Variants in BRD2 observed in about 807,000 individuals in gnomAD.
The protein encoded by BRD2 is bromodomain containing 2.
BRD2 carries 15 observed loss-of-function variants against 79.1 expected under a neutral mutation model. The ratio of observed to expected loss-of-function variants is 0.19; its 90% CI spans 0.13 to 0.29. BRD2 has a LOEUF of 0.29. Ranked by LOEUF, BRD2 falls within the 10% of genes least tolerant of loss-of-function variation. The probability of loss-of-function intolerance (pLI) is 1.00; values close to 1 mark genes in which losing one functional copy is unlikely to be tolerated. For synonymous variants in BRD2, 488 were observed against 358.6 expected (o/e 1.36, Z -4.08); for missense variants, 1,053 against 991.3 (o/e 1.06, Z -0.84).
rs764791469 is a variant in BRD2 at position 32,976,081 on chromosome 6, A to G, written c.522A>G (p.Leu174=). 10 of 1,612,908 alleles carry G rather than the reference A, an allele frequency of 6.2e-6. No homozygotes were observed. In the South Asian group the frequency reaches 7.7e-5, roughly 12 times the overall value. Residue 174 remains leucine (L), a synonymous_variant, in exon 5 of 13, where the codon CTA becomes CTG. Coordinates refer to ENST00000374825, the MANE Select transcript of BRD2 (RefSeq NM_005104.4). ...CACAAACGCTGGAAAAGATATTCCT[A>G]CAGAAGGTTGCATCAATGCCACAAG... is the stretch of plus-strand genomic sequence containing the variant. The part of the protein sequence containing the change: ...LMAQTLEKIF[L]QKVASMPQEE...
rs1778825245 is a variant in BRD2 at position 32,976,803 on chromosome 6, T to C, written c.1067T>C (p.Ile356Thr). The C allele has an allele frequency of 6.2e-7, 1 of 1,613,164 alleles. No individual in the cohort carries two copies. The highest frequency in any genetic ancestry group is 8.5e-7 in the Non-Finnish European group (1 of 1,180,028). ...LSEQLKHCNG[I>T]LKELLSKKHA... is the part of the protein sequence containing the mutation. ...GAACAGTTAAAACATTGCAATGGCATTTTGAAGGAGTTACTCTCTAAGAAG... is the reference window on the plus strand; with the variant it reads ...GAACAGTTAAAACATTGCAATGGCACTTTGAAGGAGTTACTCTCTAAGAAG... Residue 356 changes from isoleucine (I) to threonine (T), a missense_variant, in exon 7 of 13, where the codon ATT (isoleucine) becomes ACT (threonine). By Grantham distance (89) the Ile-to-Thr change is moderately conservative. This residue lies in a region of BRD2 where 454 missense variants were observed against 430.5 expected (regional missense o/e 1.05). Transcript: ENST00000374825.
chr6:32,979,202 C>T (rs145364886), intron 10 of BRD2: 5,775 of 159,208 alleles, frequency 0.036, 141 homozygotes, highest in East Asian at 0.069. Flanking sequence ...CAGGCATGCG[C>T]CACCACGCCC....
At chr6:32,969,235 G>C (rs1416423230) in intron 1 of BRD2, 179 bp downstream of exon 1, 1 of 620,176 alleles carries the variant, frequency 1.6e-6, no homozygotes, top group Non-Finnish European at 3.1e-6. Context: ...GGGCCATGGG[G>C]GGGGAGGGGA....
rs1005074454 is a variant in BRD2 at position 32,980,113 on chromosome 6, G to A, written c.2127G>A (p.Lys709=). Residue 709 remains lysine, a synonymous_variant, in exon 11 of 13, where the codon AAG becomes AAA. Coordinates refer to ENST00000374825, the MANE Select transcript of BRD2 (RefSeq NM_005104.4). ...LERYVLSCLR[K]KPRKPYTIKK... Reference sequence around the variant, plus strand: ...GCTATGTCCTTTCCTGCCTACGTAAGAAACCCCGGAAGCCCTACAGTACGT... The same window carrying A: ...GCTATGTCCTTTCCTGCCTACGTAAAAAACCCCGGAAGCCCTACAGTACGT... 2.5e-6 allele frequency: 4 copies of A among 1,611,936 alleles called. No individual in the cohort carries two copies. In the African/African-American group the frequency reaches 5.3e-5, roughly 22 times the overall value.
chr6:32,977,283 C>T (rs908346018), intron 7 of BRD2, 159 bp from the exon 8 acceptor site: 2 of 1,582,588 alleles, frequency 1.3e-6, no homozygotes, highest in Admixed American at 3.6e-5. Flanking sequence ...TTCAACCCAC[C>T]CAAATTCCTT....
intron 1 of BRD2, chr6:32,971,187 T>C (rs1777926965): frequency 6.2e-6 from 1 of 162,440 alleles, no homozygotes; most frequent in South Asian, 2.0e-4. Flanking sequence ...GGAATGGAGT[T>C]TGAGGAAGAG....
chr6:32,977,916 G>A lies in BRD2; in HGVS notation c.1489G>A (p.Glu497Lys), dbSNP rs1476311214. 8 of 1,612,556 alleles carry A rather than the reference G, an allele frequency of 5.0e-6. No individual in the cohort carries two copies. In the African/African-American group the frequency reaches 9.3e-5, roughly 19 times the overall value. ...SESSSEEEEE[E>K]DEEDEEEEES... is the part of the protein sequence containing the mutation. Reference sequence around the variant, plus strand: ...GAGCTCCTCTGAGGAAGAGGAGGAGGAAGATGAGGAGGACGAGGAGGAAGA... The same window carrying A: ...GAGCTCCTCTGAGGAAGAGGAGGAGAAAGATGAGGAGGACGAGGAGGAAGA... The change falls in exon 9 of 13, where the codon GAA becomes AAA. Residue 497 changes from glutamate (E) to lysine (K), a missense_variant. Around this residue, in one of 5 missense-constraint regions of BRD2, gnomAD observed 454 missense variants for 430.5 expected, o/e 1.05. Coordinates refer to ENST00000374825, the MANE Select transcript of BRD2 (RefSeq NM_005104.4).
intron 4 of BRD2, 140 bp downstream of exon 4, chr6:32,975,661 C>T (rs1778644037): frequency 9.4e-7 from 1 of 1,062,142 alleles, no homozygotes; most frequent in African/African-American, 1.6e-5. Context: ...TCTTAAAAAC[C>T]TGACTCTAGA....
chr6:32,973,240 G>T (rs1354883067), intron 2 of BRD2: 1 of 1,299,364 alleles, frequency 7.7e-7, no homozygotes, highest in Non-Finnish European at 1.1e-6. Context: ...TTGGCGTTTG[G>T]TGGGTCTGGT....
In BRD2 at chr6:32,978,345, T is replaced by G; in HGVS notation, c.1798T>G (p.Leu600Val). ...TGGCAGTGGGGGTGGCAGTGCTGCTTTAGGCCCTTCTGGCTTTGGACCTTC... is the reference window on the plus strand; with the variant it reads ...TGGCAGTGGGGGTGGCAGTGCTGCTGTAGGCCCTTCTGGCTTTGGACCTTC... The part of the protein sequence containing the change: ...ASGSGGGSAA[L>V]GPSGFGPSGG... Residue 600 changes from leucine to valine, a missense_variant, in exon 10 of 13, where the codon TTA becomes GTA. Leu to Val is a conservative substitution (Grantham distance 32). Transcript: ENST00000374825. The G allele has an allele frequency of 6.2e-7, 1 of 1,613,002 alleles. No individual in the cohort carries two copies. Among genetic ancestry groups the G allele is most frequent in the Non-Finnish European group, 8.5e-7 (1 of 1,180,014 alleles).
At position 32,977,770 on chromosome 6, in the gene BRD2, T is replaced by C; in HGVS notation, c.1343T>C (p.Phe448Ser). 1 of 1,613,042 alleles carries C rather than the reference T, an allele frequency of 6.2e-7. No homozygotes were observed. The highest frequency in any genetic ancestry group is 1.1e-5 in the South Asian group (1 of 91,082). The change falls in exon 9 of 13, where the codon TTC becomes TCC. Residue 448 changes from phenylalanine to serine, a missense_variant. Coordinates refer to ENST00000374825, the MANE Select transcript of BRD2 (RefSeq NM_005104.4). ...GCCTCTTTGTAGGATGTATTTGAGT[T>C]CCGTTATGCCAAGATGCCAGATGAA... Reference protein sequence around the residue: ...MARKLQDVFEFRYAKMPDEPL... With the variant: ...MARKLQDVFESRYAKMPDEPL...
intron 8 of BRD2, 82 bp from the exon 9 acceptor site, chr6:32,977,675 T>C (rs1399649705): frequency 1.2e-6 from 2 of 1,603,152 alleles, no homozygotes; most frequent in East Asian, 2.2e-5. Flanking sequence ...TGTACAGTTG[T>C]AAATTGGAGC....
intron 3 of BRD2, 100 bp from the exon 4 acceptor site, chr6:32,975,284 G>GT (rs58306767): frequency 0.17 from 142,520 of 817,416 alleles, 5,304 homozygotes; most frequent in Non-Finnish European, 0.18. Flanking sequence ...TGCATAGGGG[G>GT]GGTGTGTGTG....
intron 10 of BRD2, 167 bp from the exon 11 acceptor site, chr6:32,979,661 C>T (rs1779272427): frequency 5.4e-6 from 4 of 738,874 alleles, no homozygotes; most frequent in Non-Finnish European, 8.6e-6. Flanking sequence ...GCAAAATGCT[C>T]TGTTTCACTA....
chr6:32,979,440 T>C (rs116563214), intron 10 of BRD2: 7,927 of 228,776 alleles, frequency 0.035, 266 homozygotes, highest in African/African-American at 0.092. Flanking sequence ...CCTAAACAGG[T>C]ATACCTTGTT....
In BRD2 at chr6:32,976,414, C is replaced by A. The variant is rs1360246088; in HGVS notation, c.775C>A (p.Pro259Thr). The change falls in exon 6 of 13, where the codon CCC (proline) becomes ACC (threonine). Residue 259 changes from proline (P) to threonine (T), a missense_variant. Coordinates refer to ENST00000374825, the MANE Select transcript of BRD2 (RefSeq NM_005104.4). ...PLLKSLHSAGPPLLAVTAAPP... is the reference protein window; with the variant it reads ...PLLKSLHSAGTPLLAVTAAPP... The stretch of plus-strand genomic sequence containing the variant: ...TCTCAAGTCCTTGCACTCTGCTGGA[C>A]CCCCGCTCCTTGCTGTTACTGCAGC... The A allele has an allele frequency of 6.2e-7, 1 of 1,612,482 alleles. No individual in the cohort carries two copies. The highest frequency in any genetic ancestry group is 2.2e-5 in the East Asian group (1 of 44,886).
intron 11 of BRD2, 46 bp from the exon 12 acceptor site, chr6:32,980,296 A>G: frequency 6.2e-7 from 1 of 1,605,704 alleles, no homozygotes; most frequent in Non-Finnish European, 8.5e-7. Context: ...CCATAATAAG[A>G]TGCTTGGGGC....
chr6:32,974,374 C>T (rs1205314458), intron 2 of BRD2, 88 bp from the exon 3 acceptor site: 6 of 1,375,246 alleles, frequency 4.4e-6, no homozygotes, highest in East Asian at 4.6e-5. Flanking sequence ...CTCACTAGGG[C>T]CAGCACCTGG....
chr6:32,977,271 T>C (rs752855983), intron 7 of BRD2, 171 bp from the exon 8 acceptor site: 2 of 1,561,774 alleles, frequency 1.3e-6, no homozygotes, highest in Admixed American at 1.9e-5. Context: ...CATAAATATT[T>C]CTTCAACCCA....
Sources: allele counts gnomAD v4.1 joint callset, GRCh38; gene constraint gnomAD v4.1.1; regional missense constraint gnomAD v4.1.1; transcripts MANE v1.5; gene names NCBI Gene and HGNC (gene_info 2026-07-23, HGNC 2026-07-21).